DUSP16: variants seen among roughly 807,000 people sequenced by gnomAD.
DUSP16 encodes dual specificity phosphatase 16, also known as dual specificity protein phosphatase 16.
In DUSP16, 21 loss-of-function variants were observed where a neutral mutation model predicts 58.3. The ratio of observed to expected loss-of-function variants is 0.36; its 90% CI spans 0.26 to 0.52. The LOEUF (loss-of-function observed/expected upper bound fraction) is 0.52. DUSP16 is among the 20% of genes least tolerant of loss of function. The pLI, the probability that DUSP16 is intolerant of heterozygous loss-of-function variation, is 0.94. For missense variants in DUSP16, 726 were observed against 819.0 expected (o/e 0.89, Z 1.39); for synonymous variants, 320 against 323.8 (o/e 0.99, Z 0.12).
rs1200099497 is a variant in DUSP16, at chr12:12,487,048, T to C, written c.671A>G (p.Asp224Gly). The C allele has an allele frequency of 6.2e-7, 1 of 1,614,086 alleles. No homozygotes were observed. The highest frequency in any genetic ancestry group is 1.1e-5 in the South Asian group (1 of 91,080). The stretch of plus-strand genomic sequence containing the variant: ...CTTACCAATGAAATCTACTGATTTG[T>C]CCAACCACGGCAAAATTTTCTCACA... ...SFCEKILPWL[D>G]KSVDFIEKAK... Residue 224 changes from aspartate (D) to glycine (G), a missense_variant, in exon 5 of 7, where the codon GAC (aspartate) becomes GGC (glycine). By Grantham distance (94) the Asp-to-Gly change is moderately conservative. Coordinates refer to ENST00000298573, the MANE Select transcript of DUSP16 (RefSeq NM_030640.3).
In DUSP16 at chr12:12,480,357, C is replaced by A; in HGVS notation, c.692-11G>T. On this transcript the variant is annotated splice_polypyrimidine_tract_variant and intron_variant, in intron 5 of 6. Coordinates refer to ENST00000298573, the MANE Select transcript of DUSP16 (RefSeq NM_030640.3). The stretch of plus-strand genomic sequence containing the variant: ...AGGCTTTTGCTTTCTCTGTATAAGT[C>A]AAATGCAAGAAAGGTCACTACTAAC... 1.9e-6 allele frequency: 3 copies of A among 1,610,928 alleles called. No individual in the cohort carries two copies. The highest frequency in any genetic ancestry group is 2.5e-6 in the Non-Finnish European group (3 of 1,178,782).
At chr12:12,522,079 T>A (rs1944246003) in intron 1 of DUSP16, among the ~76,000 whole-genome samples, 1 of 152,136 alleles carries the variant, frequency 6.6e-6, no homozygotes, top group African/African-American at 2.4e-5. Flanking sequence ...ATTTCAGCTA[T>A]CTTTTAAGGA....
intron 4 of DUSP16, among the ~76,000 whole-genome samples, chr12:12,494,716 T>G (rs1943805888): frequency 2.0e-5 from 3 of 151,866 alleles, no homozygotes; most frequent in African/African-American, 7.3e-5. Context: ...GTCCAGACAT[T>G]GAAAGAGGAT....
chr12:12,523,483 C>T (rs1260626853), intron 1 of DUSP16, among the ~76,000 whole-genome samples: 1 of 152,186 alleles, frequency 6.6e-6, no homozygotes, highest in African/African-American at 2.4e-5. Flanking sequence ...TTAGAAGGCA[C>T]CTGAGATACT....
chr12:12,509,362 A>T (rs1442079624), intron 3 of DUSP16, among the ~76,000 whole-genome samples: 1 of 146,418 alleles, frequency 6.8e-6, no homozygotes, highest in African/African-American at 2.6e-5. Flanking sequence ...TATGGTCCCA[A>T]AATTTTTTTA....
intron 3 of DUSP16, among the ~76,000 whole-genome samples, chr12:12,506,978 CT>C (rs1944006609): frequency 6.6e-6 from 1 of 152,210 alleles, no homozygotes; most frequent in Non-Finnish European, 1.5e-5. Context: ...TTAAGATCAC[CT>C]CCTTCACAAT....
At chr12:12,509,418 T>C (rs1304859363) in intron 3 of DUSP16, among the ~76,000 whole-genome samples, 1 of 151,984 alleles carries the variant, frequency 6.6e-6, no homozygotes, top group African/African-American at 2.4e-5. Context: ...TCTGAACACC[T>C]ACACATACTC....
At chr12:12,540,184 G>A (rs922871272) in intron 1 of DUSP16, among the ~76,000 whole-genome samples, 1 of 151,298 alleles carries the variant, frequency 6.6e-6, no homozygotes, top group African/African-American at 2.4e-5. Context: ...ACAGGGGCCC[G>A]TAGTCCCAGC....
intron 4 of DUSP16, among the ~76,000 whole-genome samples, chr12:12,497,991 C>T (rs542592122): frequency 3.3e-5 from 5 of 151,844 alleles, no homozygotes; most frequent in African/African-American, 1.2e-4. Flanking sequence ...CAAAACAAAA[C>T]AAAACAAAAC....
intron 5 of DUSP16, among the ~76,000 whole-genome samples, chr12:12,482,401 T>A (rs1943588273): frequency 6.6e-6 from 1 of 152,228 alleles, no homozygotes; most frequent in Non-Finnish European, 1.5e-5. Flanking sequence ...TACAACTGTT[T>A]TTATAACCAC....
At chr12:12,508,353 T>C (rs1245237528) in intron 3 of DUSP16, among the ~76,000 whole-genome samples, 1 of 152,114 alleles carries the variant, frequency 6.6e-6, no homozygotes, top group East Asian at 1.9e-4. Flanking sequence ...GCAACATAAT[T>C]TCATACCCCT....
At chr12:12,527,763 G>A (rs1944326220) in intron 1 of DUSP16, among the ~76,000 whole-genome samples, 2 of 152,286 alleles carry the variant, frequency 1.3e-5, no homozygotes, top group South Asian at 4.1e-4. Flanking sequence ...GAGACTGCTT[G>A]AAGCAAAACT....
intron 6 of DUSP16, among the ~76,000 whole-genome samples, chr12:12,479,171 C>CA (rs1943515026): frequency 6.6e-6 from 1 of 151,848 alleles, no homozygotes; most frequent in Admixed American, 6.6e-5. Context: ...AATAAAGACT[C>CA]AGAGATGACA....
chr12:12,489,231 C>T (rs1303412322), intron 4 of DUSP16, among the ~76,000 whole-genome samples: 1 of 152,180 alleles, frequency 6.6e-6, no homozygotes, highest in African/African-American at 2.4e-5. Context: ...TGCCAGAGCC[C>T]AAGTCTTCTG....
Position 12,473,328 on chromosome 12 carries a change from CCAA to C in DUSP16, c.*3502_*3504del, listed in dbSNP as rs1350339237. ...TAGTTGTCACATCCAAACCAGTCCT[CCAA>C]CAATAGCCTGCTGAGGCTGGTCATG... On this transcript the variant is annotated 3_prime_UTR_variant, in exon 7 of 7. Coordinates refer to ENST00000298573, the MANE Select transcript of DUSP16 (RefSeq NM_030640.3). 6.6e-6 allele frequency among the ~76,000 whole-genome samples: 1 copy of C among 152,140 alleles called. No homozygotes were observed.
In DUSP16 at chr12:12,486,479, AGAGTGT is replaced by A. The variant is rs1439419187; in HGVS notation, c.691+543_691+548del. ...CCATTGCCAGGAAAATAACCAAATGAGAGTGTGTGTGTGTGTGTGTGTGTGTGTGTG... is the reference window on the plus strand; with the variant it reads ...CCATTGCCAGGAAAATAACCAAATGAGTGTGTGTGTGTGTGTGTGTGTGTG... On this transcript the variant is annotated intron_variant, in intron 5 of 6. Transcript: ENST00000298573. 7.4e-5 allele frequency among the ~76,000 whole-genome samples: 8 copies of A among 107,486 alleles called. No homozygotes were observed. The East Asian group carries it at 1.2e-3, about 17-fold the overall frequency. 70.5% of individuals were successfully genotyped at this position (107,486 alleles called of 152,430 possible).
In DUSP16 at chr12:12,480,282, G is replaced by A; in HGVS notation, c.756C>T (p.Ala252=). Residue 252 remains alanine (A), a synonymous_variant, in exon 6 of 7, where the codon GCC becomes GCT. Transcript: ENST00000298573. ...VHCLAGISRS[A]TIAIAYIMKR... Reference sequence around the variant, plus strand: ...TCATGATGTAGGCGATAGCGATGGTGGCGGAGCGGGAGATCCCAGCTAAAC... The same window carrying A: ...TCATGATGTAGGCGATAGCGATGGTAGCGGAGCGGGAGATCCCAGCTAAAC... 1.9e-6 allele frequency: 3 copies of A among 1,614,200 alleles called. No individual in the cohort carries two copies. Among genetic ancestry groups the A allele is most frequent in the Non-Finnish European group, 2.5e-6 (3 of 1,180,032 alleles).
At chr12:12,508,766 T>C (rs1238331728) in intron 3 of DUSP16, among the ~76,000 whole-genome samples, 1 of 152,146 alleles carries the variant, frequency 6.6e-6, no homozygotes, top group African/African-American at 2.4e-5. Flanking sequence ...AGTTGGGAAA[T>C]GGGAAATTCT....
At chr12:12,556,936 T>C (rs1177677178) in intron 1 of DUSP16, among the ~76,000 whole-genome samples, 1 of 152,206 alleles carries the variant, frequency 6.6e-6, no homozygotes, top group African/African-American at 2.4e-5. Context: ...ATCTTTTCTT[T>C]TGTATGTTCC....
Sources: allele counts gnomAD v4.1 joint callset (sites outside exome capture counted in the v4.1 genomes callset), GRCh38; gene constraint gnomAD v4.1.1; transcripts MANE v1.5; gene names NCBI Gene and HGNC (gene_info 2026-07-23, HGNC 2026-07-21).